Variants in ERICH6B observed in about 807,000 individuals in gnomAD.
ERICH6B encodes glutamate rich 6B.
A neutral mutation model predicts 80.0 loss-of-function variants in ERICH6B; 69 were observed. The ratio of observed to expected loss-of-function variants is 0.86; its 90% CI spans 0.71 to 1.05. The LOEUF (loss-of-function observed/expected upper bound fraction) is 1.05, where lower values mean the gene tolerates loss of function less well. Ranked by LOEUF, ERICH6B falls within the 50% of genes least tolerant of loss-of-function variation. ERICH6B has a pLI of 0.00. For missense variants in ERICH6B, 754 were observed against 796.1 expected (o/e 0.95, Z 0.64); for synonymous variants, 283 against 291.9 (o/e 0.97, Z 0.31).
intron 2 of ERICH6B, among the ~76,000 whole-genome samples, chr13:45,598,551 C>T (rs1361777523): frequency 6.6e-6 from 1 of 152,036 alleles, no homozygotes; most frequent in Non-Finnish European, 1.5e-5. Flanking sequence ...GATGAGACCA[C>T]CAGGATGAAT....
rs564375115 is a variant in ERICH6B, at chr13:45,574,869, C to T, written c.1023G>A (p.Lys341=). Residue 341 remains lysine (K), a synonymous_variant, in exon 8 of 15, where the codon AAG becomes AAA. Transcript: ENST00000298738. ...WDGITDESID[K]LEVEDLDENF... is the part of the protein sequence containing the mutation. ...TTTCATCTAAATCTTCCACTTCCAG[C>T]TTGTCAATGGACTCATCTGTTATAC... The T allele has an allele frequency of 3.0e-5, 47 of 1,551,310 alleles. 1 individual carries two copies. Among genetic ancestry groups the T allele is most frequent in the South Asian group, 2.5e-4 (21 of 84,026 alleles).
In ERICH6B at chr13:45,590,522, C is replaced by A. The variant is rs993998391; in HGVS notation, c.686+127G>T. The A allele has an allele frequency of 2.6e-5, 21 of 817,114 alleles. No individual in the cohort carries two copies. In the Middle Eastern group the frequency reaches 7.0e-4, roughly 27 times the overall value. The allele number at this position is 817,114 out of a possible 1,614,324, so 50.6% of individuals were successfully genotyped here. ...CGAGCAGGGTTGTAACTTCCAGGAA[C>A]CCCCACTAAACTCCTTCTTCCTCCC... is the stretch of plus-strand genomic sequence containing the variant. On this transcript the variant is annotated intron_variant, in intron 4 of 14. Transcript: ENST00000298738.
intron 11 of ERICH6B, among the ~76,000 whole-genome samples, chr13:45,552,675 C>T (rs1874268689): frequency 6.6e-6 from 1 of 151,972 alleles, no homozygotes; most frequent in African/African-American, 2.4e-5. Context: ...AATATTGCCT[C>T]TTATTGTCAT....
intron 2 of ERICH6B, among the ~76,000 whole-genome samples, chr13:45,606,521 ATATATATATATATATATATATATATATTT>A (rs1949862826): frequency 3.4e-5 from 1 of 29,478 alleles, no homozygotes; most frequent in Non-Finnish European, 5.5e-5. Flanking sequence ...ATATATATAT[ATATATATATATATATATATATATATATTT>A]TTTTTTTTTT....
At chr13:45,580,931 C>G (rs375672149) in intron 5 of ERICH6B, among the ~76,000 whole-genome samples, 2 of 152,158 alleles carry the variant, frequency 1.3e-5, no homozygotes, top group South Asian at 2.1e-4. Context: ...CTCTGGTTAC[C>G]ATGAGGCTAG....
chr13:45,576,744 C>G (rs1353790057), intron 7 of ERICH6B, among the ~76,000 whole-genome samples: 6 of 151,970 alleles, frequency 3.9e-5, no homozygotes, highest in Non-Finnish European at 7.4e-5. Context: ...ATAATGTGAG[C>G]TGGTACAAAA....
chr13:45,559,704 T>G lies in ERICH6B; in HGVS notation c.1407+1665A>C, dbSNP rs76441411. On this transcript the variant is annotated intron_variant, in intron 11 of 14. Coordinates refer to ENST00000298738, the MANE Select transcript of ERICH6B (RefSeq NM_182542.3). The stretch of plus-strand genomic sequence containing the variant: ...TAATTTCCATATATTTGCATGGTTT[T>G]GAGTATTCCTTTTGGAGTTGATTTC... Among the ~76,000 whole-genome samples the G allele has an allele frequency of 4.2e-3, 647 of 152,300 alleles. 6 individuals carry two copies. The highest frequency in any genetic ancestry group is 0.015 in the African/African-American group (609 of 41,554).
intron 5 of ERICH6B, among the ~76,000 whole-genome samples, chr13:45,583,089 T>C (rs1252961553): frequency 6.6e-6 from 1 of 152,260 alleles, no homozygotes; most frequent in Non-Finnish European, 1.5e-5. Flanking sequence ...TACCATTCTC[T>C]TTTGATTTCT....
At chr13:45,586,585 A>C (rs942743930) in intron 5 of ERICH6B, among the ~76,000 whole-genome samples, 5 of 152,056 alleles carry the variant, frequency 3.3e-5, no homozygotes, top group South Asian at 2.1e-4. Flanking sequence ...GTGGGTTCTG[A>C]ATCAGGGCTG....
intron 2 of ERICH6B, among the ~76,000 whole-genome samples, chr13:45,599,346 C>A (rs927600160): frequency 4.6e-5 from 7 of 152,016 alleles, no homozygotes; most frequent in East Asian, 1.9e-4. Flanking sequence ...GTTTTAAAAC[C>A]CATCATGAAG....
chr13:45,558,766 A>T (rs1478518751), intron 11 of ERICH6B, among the ~76,000 whole-genome samples: 20 of 152,198 alleles, frequency 1.3e-4, no homozygotes, highest in Non-Finnish European at 1.2e-4. Context: ...CCATTCCTGC[A>T]TCCCTGGTAT....
intron 3 of ERICH6B, among the ~76,000 whole-genome samples, chr13:45,592,213 C>G (rs969242393): frequency 6.6e-6 from 1 of 152,184 alleles, no homozygotes; most frequent in Admixed American, 6.5e-5. Context: ...TGCCATCAGA[C>G]TATGTTCCCT....
chr13:45,601,447 T>C (rs1042081239), intron 2 of ERICH6B, among the ~76,000 whole-genome samples: 2 of 152,176 alleles, frequency 1.3e-5, no homozygotes, highest in African/African-American at 4.8e-5. Flanking sequence ...TGCTTTTCTT[T>C]GACAGCCAGT....
rs1398361736 is a variant in ERICH6B at position 45,550,236 on chromosome 13, C to G, written c.1488G>C (p.Gln496His). Residue 496 changes from glutamine to histidine, a missense_variant, in exon 12 of 15, where the codon CAG becomes CAC. Transcript: ENST00000298738. ...CCCTGTGCTTCTGTGGATACTGTAT[C>G]TGGCCTGTCCCATCAGGAAAGAGAA... The part of the protein sequence containing the change: ...YQILFPDGTG[Q>H]IHYPSGNLAM... 1 of 1,551,220 alleles carries G rather than the reference C, an allele frequency of 6.4e-7. No individual in the cohort carries two copies. The highest frequency in any genetic ancestry group is 8.7e-7 in the Non-Finnish European group (1 of 1,146,698).
At chr13:45,592,328 C>G (rs1042071631) in intron 3 of ERICH6B, among the ~76,000 whole-genome samples, 6 of 152,228 alleles carry the variant, frequency 3.9e-5, no homozygotes, top group African/African-American at 1.4e-4. Context: ...CCCCACCCAC[C>G]AGTGGCTGAC....
chr13:45,609,655 T>C (rs913009308), intron 1 of ERICH6B, among the ~76,000 whole-genome samples: 6 of 152,222 alleles, frequency 3.9e-5, no homozygotes, highest in Non-Finnish European at 7.3e-5. Flanking sequence ...AACTGAGTGA[T>C]TATCTCATAT....
At chr13:45,563,551 G>C (rs569514665) in intron 10 of ERICH6B, 176 bp downstream of exon 10, 1 of 659,284 alleles carries the variant, frequency 1.5e-6, no homozygotes, top group South Asian at 1.8e-5. Context: ...GCCCTAGACT[G>C]TGCCTGCCAT....
rs1042781648 is a variant in ERICH6B at position 45,598,535 on chromosome 13, C to A, written c.-58-1472G>T. On this transcript the variant is annotated intron_variant, in intron 2 of 14. Transcript: ENST00000298738. ...AGTGGGAAACTCTGTTCTGGGGAAC[C>A]AGCCAGATGAGACCACCAGGATGAA... Among the ~76,000 whole-genome samples the A allele has an allele frequency of 3.3e-5, 5 of 152,128 alleles. No homozygotes were observed. The East Asian group carries it at 9.6e-4, about 29-fold the overall frequency.
intron 2 of ERICH6B, among the ~76,000 whole-genome samples, chr13:45,598,396 G>T (rs1876493158): frequency 6.6e-6 from 1 of 152,176 alleles, no homozygotes; most frequent in Admixed American, 6.5e-5. Flanking sequence ...GTTTAAAAAT[G>T]ACATTTATTC....
Sources: gnomAD v4.1 joint callset for allele counts (sites outside exome capture counted in the v4.1 genomes callset) on GRCh38, gnomAD v4.1.1 for gene constraint, MANE v1.5 for transcripts, NCBI Gene and HGNC (gene_info 2026-07-23, HGNC 2026-07-21) for gene names.